USP44: variants seen among roughly 807,000 people sequenced by gnomAD.
USP44 encodes ubiquitin specific peptidase 44.
A neutral mutation model predicts 69.0 loss-of-function variants in USP44; 61 were observed. The observed-to-expected ratio is 0.88, with a 90% CI of 0.72 to 1.09. USP44 has a LOEUF of 1.09. USP44 is among the 50% of genes least tolerant of loss of function. The pLI, the probability that USP44 is intolerant of heterozygous loss-of-function variation, is 0.00. For synonymous variants in USP44, 297 were observed against 295.4 expected (o/e 1.01, Z -0.06); for missense variants, 753 against 849.9 (o/e 0.89, Z 1.42).
chr12:95,522,778 CAAAAA>C (rs36010747), intron 4 of USP44, among the ~76,000 whole-genome samples: 9,974 of 99,022 alleles, frequency 0.1, 456 homozygotes, highest in Non-Finnish European at 0.15. Flanking sequence ...AATTCTGGCT[CAAAAA>C]AAAAAAAAAA....
intron 2 of USP44, 44 bp downstream of exon 2, chr12:95,532,785 T>C: frequency 5.3e-6 from 8 of 1,502,368 alleles, no homozygotes; most frequent in Non-Finnish European, 7.2e-6. Context: ...GGCTACACTT[T>C]ATGAACTCCC....
intron 1 of USP44, among the ~76,000 whole-genome samples, chr12:95,543,667 T>C (rs1053597523): frequency 2.0e-5 from 3 of 150,762 alleles, no homozygotes; most frequent in African/African-American, 7.3e-5. Flanking sequence ...TTTTTTTACT[T>C]CAAAAACTAA....
intron 2 of USP44, among the ~76,000 whole-genome samples, chr12:95,531,587 G>A (rs528603636): frequency 1.3e-4 from 20 of 152,270 alleles, no homozygotes; most frequent in Admixed American, 1.2e-3. Context: ...AAGTAAAATT[G>A]CAGTACAATT....
At chr12:95,551,669 A>C (rs2077722919), upstream of USP44, 1 of 152,170 alleles carries the variant, frequency 6.6e-6, no homozygotes, top group African/African-American at 2.4e-5. Context: ...GGCCAAAAAC[A>C]CTGCTGAAAT....
chr12:95,519,432 A>ACTTTTTTTTTTTT (rs199606254), intron 5 of USP44, among the ~76,000 whole-genome samples: 1 of 84,544 alleles, frequency 1.2e-5, no homozygotes. Context: ...CTCAATCTGT[A>ACTTTTTTTTTTTT]TTTTTTTTTT....
At chr12:95,537,625 T>A (rs1331287086) in intron 1 of USP44, among the ~76,000 whole-genome samples, 1 of 152,092 alleles carries the variant, frequency 6.6e-6, no homozygotes, top group Non-Finnish European at 1.5e-5. Context: ...CCGAAAATAA[T>A]TATTAGTTCA....
intron 3 of USP44, among the ~76,000 whole-genome samples, chr12:95,525,127 A>T (rs1488100256): frequency 6.6e-6 from 1 of 152,248 alleles, no homozygotes; most frequent in East Asian, 1.9e-4. Context: ...GCTGGAGTGC[A>T]GTGGCACAAT....
intron 4 of USP44, 32 bp downstream of exon 4, chr12:95,524,648 A>G (rs755913476): frequency 2.0e-6 from 3 of 1,507,686 alleles, no homozygotes; most frequent in South Asian, 2.5e-5. Context: ...AGCACAAGGA[A>G]TGATAACTTT....
At chr12:95,518,380 A>G in intron 5 of USP44, 27 bp from the exon 6 acceptor site, 1 of 1,605,394 alleles carries the variant, frequency 6.2e-7, no homozygotes, top group Non-Finnish European at 8.5e-7. Context: ...AAATACATTT[A>G]TGAAGGGACT....
intron 2 of USP44, among the ~76,000 whole-genome samples, chr12:95,530,478 A>C (rs1207805716): frequency 1.3e-5 from 2 of 152,134 alleles, no homozygotes; most frequent in African/African-American, 4.8e-5. Context: ...AAAAATAGAA[A>C]GGAAAAGCCA....
At chr12:95,538,386 T>C (rs1592727253) in intron 1 of USP44, among the ~76,000 whole-genome samples, 1 of 152,220 alleles carries the variant, frequency 6.6e-6, no homozygotes, top group East Asian at 1.9e-4. Context: ...TAAATTATTA[T>C]TATAAATGCT....
chr12:95,542,892 T>C (rs1267804667), intron 1 of USP44, among the ~76,000 whole-genome samples: 2 of 146,934 alleles, frequency 1.4e-5, no homozygotes, highest in Non-Finnish European at 3.0e-5. Context: ...ATTGAGACCA[T>C]CCTGTCTAAC....
At chr12:95,521,684 A>T (rs1383273334) in intron 4 of USP44, among the ~76,000 whole-genome samples, 1 of 152,140 alleles carries the variant, frequency 6.6e-6, no homozygotes, top group Admixed American at 6.5e-5. Context: ...ACAGGACTTT[A>T]TCATGTTGGC....
chr12:95,526,764 AGATAGGGAAATTAGGGAGAATACCT>A (rs1340366735), intron 3 of USP44, among the ~76,000 whole-genome samples: 5 of 152,132 alleles, frequency 3.3e-5, no homozygotes. Flanking sequence ...TCTATTTGCG[AGATAGGGAAATTAGGGAGAATACCT>A]GAAAAAATAT....
intron 1 of USP44, among the ~76,000 whole-genome samples, chr12:95,542,508 G>A (rs1340791287): frequency 6.6e-6 from 1 of 152,202 alleles, no homozygotes; most frequent in Non-Finnish European, 1.5e-5. Context: ...GCTTACGCTT[G>A]TAATCCCAGC....
chr12:95,547,117 TTCATTTA>T (rs1305936904), intron 1 of USP44: 1 of 152,224 alleles, frequency 6.6e-6, no homozygotes, highest in Non-Finnish European at 1.5e-5. Flanking sequence ...TAAATGCAGG[TTCATTTA>T]TCACTTAAAA....
chr12:95,533,959 G>A lies in USP44; in HGVS notation c.298C>T (p.Arg100Cys), dbSNP rs187355417. 9.9e-6 allele frequency: 16 copies of A among 1,614,124 alleles called. No individual in the cohort carries two copies. The highest frequency in any genetic ancestry group is 8.8e-5 in the South Asian group (8 of 91,078). Reference sequence around the variant, plus strand: ...TGACTTTTGATGGCACTTAATGTACGTCGTAGTAACTTCAGGTCTCCAGTT... The same window carrying A: ...TGACTTTTGATGGCACTTAATGTACATCGTAGTAACTTCAGGTCTCCAGTT... ...NTTGDLKLLRRTLSAIKSQNY... is the reference protein window; with the variant it reads ...NTTGDLKLLRCTLSAIKSQNY... The change falls in exon 2 of 6, where the codon CGT (arginine) becomes TGT (cysteine). Residue 100 changes from arginine to cysteine, a missense_variant. Coordinates refer to ENST00000258499, the MANE Select transcript of USP44 (RefSeq NM_032147.5).
Position 95,518,373 on chromosome 12 carries a change from T to C in USP44, c.1940-20A>G. The C allele has an allele frequency of 6.2e-7, 1 of 1,611,374 alleles. No homozygotes were observed. Among genetic ancestry groups the C allele is most frequent in the African/African-American group, 1.3e-5 (1 of 74,928 alleles). ...AGAACCCTAGAGTGAAGCACAGAAA[T>C]ACATTTATGAAGGGACTTTAGAAAA... On this transcript the variant is annotated intron_variant, in intron 5 of 5. Coordinates refer to ENST00000258499, the MANE Select transcript of USP44 (RefSeq NM_032147.5).
chr12:95,528,104 G>C (rs1469578383), intron 3 of USP44, among the ~76,000 whole-genome samples: 1 of 152,178 alleles, frequency 6.6e-6, no homozygotes, highest in East Asian at 1.9e-4. Context: ...CTCCCAACGT[G>C]GTAGGATTAC....
Sources: allele counts gnomAD v4.1 joint callset (sites outside exome capture counted in the v4.1 genomes callset), GRCh38; gene constraint gnomAD v4.1.1; transcripts MANE v1.5; gene names NCBI Gene and HGNC (gene_info 2026-07-23, HGNC 2026-07-21).